ACYP2: variants seen among roughly 807,000 people sequenced by gnomAD.
ACYP2 encodes the protein acylphosphatase 2.
Under a neutral mutation model 11.2 loss-of-function variants are expected in ACYP2, and 12 were observed. That is an observed-to-expected ratio of 1.08 (90% CI 0.69 to 1.74). The LOEUF is 1.74. Ranked by LOEUF, ACYP2 falls within the 40% of genes most tolerant of loss-of-function variation. ACYP2 has a pLI of 0.00. For missense variants in ACYP2, 134 were observed against 101.9 expected (o/e 1.31, Z -1.35); for synonymous variants, 43 against 32.2 (o/e 1.33, Z -1.13).
chr2:54,012,523 A>G (rs548506302), intron 2 of ACYP2, among the ~76,000 whole-genome samples: 5 of 152,204 alleles, frequency 3.3e-5, no homozygotes, highest in Admixed American at 6.5e-5. Flanking sequence ...CAATCAATCA[A>G]TCAATCAATA....
chr2:54,299,091 T>C lies in ACYP2; in HGVS notation c.405-5597T>C, dbSNP rs142218567. Among the ~76,000 whole-genome samples, 1,008 of 152,268 alleles carry C rather than the reference T, an allele frequency of 6.6e-3. 14 individuals are homozygous for C. Among genetic ancestry groups the C allele is most frequent in the African/African-American group, 0.023 (942 of 41,556 alleles). On this transcript the variant is annotated intron_variant, in intron 6 of 6. Transcript: ENST00000607452. The stretch of plus-strand genomic sequence containing the variant: ...TATAGACACAGTTGAAAAAATGATG[T>C]AGTGCTGAAGACAGGGATTCAGTGA...
At chr2:54,187,364 C>A (rs1684057435) in intron 6 of ACYP2, among the ~76,000 whole-genome samples, 1 of 152,166 alleles carries the variant, frequency 6.6e-6, no homozygotes, top group African/African-American at 2.4e-5. Context: ...GTCTGTACTT[C>A]CTTGGTGTAG....
At chr2:54,237,932 G>A (rs1268459147) in intron 6 of ACYP2, among the ~76,000 whole-genome samples, 1 of 151,966 alleles carries the variant, frequency 6.6e-6, no homozygotes, top group Non-Finnish European at 1.5e-5. Flanking sequence ...CCCATCCCCT[G>A]CCGTACTCTC....
chr2:54,069,696 C>CA (rs1676928501), intron 4 of ACYP2, among the ~76,000 whole-genome samples: 1 of 151,830 alleles, frequency 6.6e-6, no homozygotes, highest in South Asian at 2.1e-4. Context: ...AAAAACAAAA[C>CA]AAAGCAAAAT....
intron 6 of ACYP2, among the ~76,000 whole-genome samples, chr2:54,273,153 A>G (rs1250668620): frequency 6.6e-6 from 1 of 151,680 alleles, no homozygotes; most frequent in African/African-American, 2.4e-5. Flanking sequence ...TTCAAATTTA[A>G]TAAATAGAGT....
chr2:54,032,871 A>G lies in ACYP2; in HGVS notation c.63-18087A>G, dbSNP rs144168637. ...TCCATGCTCGTGGATAAAAAGAATC[A>G]ATATTGTGAAAATGGCCATACTGCC... On this transcript the variant is annotated intron_variant, in intron 2 of 6. Coordinates refer to ENST00000607452, the MANE Select transcript of ACYP2 (RefSeq NM_001320586.2). Among the ~76,000 whole-genome samples the G allele has an allele frequency of 4.3e-3, 649 of 152,320 alleles. 7 individuals carry two copies. The highest frequency in any genetic ancestry group is 0.015 in the African/African-American group (620 of 41,566).
intron 4 of ACYP2, among the ~76,000 whole-genome samples, chr2:54,134,052 C>T (rs1681080708): frequency 6.6e-6 from 1 of 151,492 alleles, no homozygotes; most frequent in Non-Finnish European, 1.5e-5. Flanking sequence ...TCCCAGCCTA[C>T]ATGGTTCAAA....
intron 2 of ACYP2, among the ~76,000 whole-genome samples, chr2:54,005,096 C>T (rs1034191059): frequency 2.6e-5 from 4 of 151,956 alleles, no homozygotes; most frequent in Non-Finnish European, 5.9e-5. Context: ...AATAAAAAGC[C>T]TTAAATTTAA....
chr2:53,986,141 TAATAAA>T (rs772361729), intron 2 of ACYP2, among the ~76,000 whole-genome samples: 6 of 151,472 alleles, frequency 4.0e-5, no homozygotes, highest in Non-Finnish European at 5.9e-5. Context: ...ATAATAATAA[TAATAAA>T]AATAAATAAA....
chr2:54,208,137 C>T (rs1260143047), intron 6 of ACYP2, among the ~76,000 whole-genome samples: 1 of 151,950 alleles, frequency 6.6e-6, no homozygotes, highest in Non-Finnish European at 1.5e-5. Context: ...CACTCACCCT[C>T]TAATTTTTTT....
intron 2 of ACYP2, among the ~76,000 whole-genome samples, chr2:54,032,090 G>T (rs1323772326): frequency 6.6e-6 from 1 of 152,194 alleles, no homozygotes; most frequent in Non-Finnish European, 1.5e-5. Context: ...TGTTCACTCT[G>T]ATGGTATTTT....
chr2:54,141,182 T>C (rs886464217), intron 6 of ACYP2, among the ~76,000 whole-genome samples: 6 of 152,246 alleles, frequency 3.9e-5, no homozygotes, highest in African/African-American at 1.2e-4. Flanking sequence ...CTTTGTATAT[T>C]GGTTATGGTT....
intron 2 of ACYP2, among the ~76,000 whole-genome samples, chr2:53,995,477 ATTTATTTATTT>A (rs1339946601): frequency 2.1e-5 from 3 of 142,628 alleles, no homozygotes; most frequent in African/African-American, 8.0e-5. Flanking sequence ...TTTTTTATTT[ATTTATTTATTT>A]TTTATTTATT....
intron 4 of ACYP2, among the ~76,000 whole-genome samples, chr2:54,132,594 G>C (rs2103769067): frequency 6.6e-6 from 1 of 152,190 alleles, no homozygotes; most frequent in Admixed American, 6.5e-5. Flanking sequence ...AGGCTTAACT[G>C]CTGTATGTAG....
intron 6 of ACYP2, among the ~76,000 whole-genome samples, chr2:54,257,201 C>CCAT (rs1252359762): frequency 6.6e-6 from 1 of 152,026 alleles, no homozygotes; most frequent in African/African-American, 2.4e-5. Flanking sequence ...CAGCAAGACC[C>CCAT]CATCTCTATT....
At chr2:54,207,695 A>C (rs1215147) in intron 6 of ACYP2, among the ~76,000 whole-genome samples, 48,361 of 152,004 alleles carry the variant, frequency 0.32, 8,166 homozygotes, top group African/African-American at 0.43. Context: ...CTGCAGTAAT[A>C]AAGATGTGAA....
rs550142135 is a variant in ACYP2 at position 54,035,009 on chromosome 2, C to CAAAAA, written c.63-15930_63-15926dup. On this transcript the variant is annotated intron_variant, in intron 2 of 6. Transcript: ENST00000607452. The stretch of plus-strand genomic sequence containing the variant: ...CAGGCGACAGTGCGAGACTACATCT[C>CAAAAA]AAAAAAAAAAAAAAAAAAAAAAAGC... 1.2e-3 allele frequency among the ~76,000 whole-genome samples: 54 copies of CAAAAA among 44,736 alleles called. 2 individuals are homozygous for CAAAAA. The highest frequency in any genetic ancestry group is 5.1e-3 in the East Asian group (8 of 1,572). 29.3% of individuals were successfully genotyped at this position (44,736 alleles called of 152,430 possible). A position where few individuals can be genotyped will look rare whatever the true frequency, so the allele number is the denominator to read the frequency against.
chr2:53,998,198 A>T (rs908195006), intron 2 of ACYP2, among the ~76,000 whole-genome samples: 2 of 152,204 alleles, frequency 1.3e-5, no homozygotes, highest in African/African-American at 4.8e-5. Flanking sequence ...TGGTAATCTT[A>T]AAGAAAATAG....
chr2:54,058,096 T>C (rs1196497682), intron 4 of ACYP2, among the ~76,000 whole-genome samples: 1 of 152,174 alleles, frequency 6.6e-6, no homozygotes, highest in Non-Finnish European at 1.5e-5. Context: ...TATGAAGCAA[T>C]GATTGGTCTC....
Sources: gnomAD v4.1 joint callset for allele counts (sites outside exome capture counted in the v4.1 genomes callset) on GRCh38, gnomAD v4.1.1 for gene constraint, MANE v1.5 for transcripts, NCBI Gene and HGNC (gene_info 2026-07-23, HGNC 2026-07-21) for gene names.